The following EPB41L3 variants were observed in gnomAD, a reference collection of about 807,000 sequenced individuals.
EPB41L3 encodes band 4.1-like protein 3.
A neutral mutation model predicts 127.1 loss-of-function variants in EPB41L3; 57 were observed. That is an observed-to-expected ratio of 0.45 (90% CI 0.36 to 0.56). EPB41L3 has a LOEUF of 0.56. Ranked by LOEUF, EPB41L3 falls within the 20% of genes least tolerant of loss-of-function variation. The probability of loss-of-function intolerance (pLI) is 0.00; values close to 1 mark genes in which losing one functional copy is unlikely to be tolerated. For synonymous variants in EPB41L3, 572 were observed against 549.5 expected (o/e 1.04, Z -0.57); for missense variants, 1,273 against 1,372.2 (o/e 0.93, Z 1.14).
intron 3 of EPB41L3, among the ~76,000 whole-genome samples, chr18:5,454,986 C>A (rs1402658709): frequency 6.6e-6 from 1 of 152,208 alleles, no homozygotes; most frequent in Admixed American, 6.5e-5. Flanking sequence ...TACAACTAAT[C>A]AGCTCTGTAA....
intron 11 of EPB41L3, 42 bp downstream of exon 11, chr18:5,423,336 G>T: frequency 6.7e-7 from 1 of 1,490,942 alleles, no homozygotes; most frequent in Admixed American, 2.1e-5. Flanking sequence ...ATTCTTTTTG[G>T]GGTAGGTACT....
chr18:5,428,381 C>A lies in EPB41L3; in HGVS notation c.997G>T (p.Ala333Ser). Residue 333 changes from alanine to serine, a missense_variant, in exon 9 of 23, where the codon GCC becomes TCC. Around this residue, in one of 3 missense-constraint regions of EPB41L3, gnomAD observed 326 missense variants for 440.2 expected, o/e 0.74. Coordinates refer to ENST00000341928, the MANE Select transcript of EPB41L3 (RefSeq NM_012307.5). The part of the protein sequence containing the change: ...YRDRLRINRF[A>S]WPKVLKISYK... ...GAAATCTTTAGAACCTTGGGCCAGG[C>A]AAATCTGTTTATTCGCAGCCGGTCG... 6.2e-7 allele frequency: 1 copy of A among 1,614,166 alleles called. No individual in the cohort carries two copies. Among genetic ancestry groups the A allele is most frequent in the Non-Finnish European group, 8.5e-7 (1 of 1,180,040 alleles).
At position 5,501,338 on chromosome 18, in the gene EPB41L3, C is replaced by T. The variant is rs532637637; in HGVS notation, c.-11-12144G>A. 1.8e-3 allele frequency among the ~76,000 whole-genome samples: 277 copies of T among 152,178 alleles called. 3 individuals carry two copies. Among genetic ancestry groups the T allele is most frequent in the African/African-American group, 6.3e-3 (260 of 41,518 alleles). Reference sequence around the variant, plus strand: ...CAGCTTCATTTAACCTAAATGTGTCCTAAGTCACAAGTCTACAAATGATAT... The same window carrying T: ...CAGCTTCATTTAACCTAAATGTGTCTTAAGTCACAAGTCTACAAATGATAT... On this transcript the variant is annotated intron_variant, in intron 1 of 22. Transcript: ENST00000341928.
upstream of EPB41L3, among the ~76,000 whole-genome samples, chr18:5,546,640 G>A (rs1375868977): frequency 3.3e-5 from 5 of 152,204 alleles, no homozygotes; most frequent in Non-Finnish European, 5.9e-5. Context: ...GGAAATCTTG[G>A]AAGCAATTAC....
intron 13 of EPB41L3, among the ~76,000 whole-genome samples, chr18:5,413,243 C>T (rs117216505): frequency 3.9e-5 from 6 of 152,144 alleles, no homozygotes; most frequent in Non-Finnish European, 8.8e-5. Context: ...CTCAGAAATA[C>T]ACATGTAATT....
At chr18:5,425,087 G>C (rs2145345837) in intron 9 of EPB41L3, among the ~76,000 whole-genome samples, 1 of 152,232 alleles carries the variant, frequency 6.6e-6, no homozygotes, top group Admixed American at 6.5e-5. Context: ...TTCACATTCT[G>C]AAGAAGGTAC....
chr18:5,505,844 A>T (rs1258309458), intron 1 of EPB41L3, among the ~76,000 whole-genome samples: 2 of 95,984 alleles, frequency 2.1e-5, no homozygotes, highest in Admixed American at 2.2e-4. Flanking sequence ...CCTTCCCTCC[A>T]CACCTTCACC....
chr18:5,596,605 G>T (rs1035900537), intron 3 of EPB41L3, among the ~76,000 whole-genome samples: 10 of 152,124 alleles, frequency 6.6e-5, no homozygotes, highest in Admixed American at 5.9e-4. Context: ...ACCTGATATT[G>T]CTGAGGTTAT....
chr18:5,454,796 A>C (rs1004086297), intron 3 of EPB41L3, among the ~76,000 whole-genome samples: 1 of 152,238 alleles, frequency 6.6e-6, no homozygotes, highest in Non-Finnish European at 1.5e-5. Context: ...GGTCTTGGTA[A>C]ATTTATAAAC....
chr18:5,415,027 T>A (rs764364503), intron 13 of EPB41L3, among the ~76,000 whole-genome samples: 1 of 152,246 alleles, frequency 6.6e-6, no homozygotes, highest in Admixed American at 6.5e-5. Flanking sequence ...TTGAGACTCA[T>A]ACTGCAGTTG....
chr18:5,574,897 A>G (rs546378118), intron 3 of EPB41L3, among the ~76,000 whole-genome samples: 7 of 152,264 alleles, frequency 4.6e-5, no homozygotes, highest in African/African-American at 7.2e-5. Flanking sequence ...GCTGAGTCCT[A>G]TAAGAGCCCT....
chr18:5,396,628 A>T (rs1328710409), intron 18 of EPB41L3, among the ~76,000 whole-genome samples: 1 of 152,190 alleles, frequency 6.6e-6, no homozygotes. Context: ...TAACTCCCCA[A>T]ATACTTCAGG....
At position 5,397,810 on chromosome 18, in the gene EPB41L3, C is replaced by T. The variant is rs1021421978; in HGVS notation, c.2472+211G>A. On this transcript the variant is annotated intron_variant, in intron 17 of 22. Coordinates refer to ENST00000341928, the MANE Select transcript of EPB41L3 (RefSeq NM_012307.5). This position sits in a 1 kb window ranked among gnomAD's most constrained non-coding sequence, Gnocchi z 4.1. ...TTCTATTAAAATTTCTCAATATGAT[C>T]GCCTTTCGAATAGTGAAGTACATTC... Among the ~76,000 whole-genome samples the T allele has an allele frequency of 6.6e-6, 1 of 152,120 alleles. No individual in the cohort carries two copies. Among genetic ancestry groups the T allele is most frequent in the Non-Finnish European group, 1.5e-5 (1 of 68,034 alleles).
At chr18:5,542,820 C>G (rs1391097240) in intron 1 of EPB41L3, among the ~76,000 whole-genome samples, 1 of 152,178 alleles carries the variant, frequency 6.6e-6, no homozygotes, top group Non-Finnish European at 1.5e-5. Context: ...GTAACCACAC[C>G]CACCGCATTG....
intron 1 of EPB41L3, among the ~76,000 whole-genome samples, chr18:5,523,223 C>T (rs56095997): frequency 0.017 from 2,661 of 152,230 alleles, 80 homozygotes; most frequent in African/African-American, 0.062. Context: ...TCAAATGATG[C>T]TAGACATGGC....
chr18:5,425,231 T>C (rs1269934082), intron 9 of EPB41L3, among the ~76,000 whole-genome samples: 6 of 152,190 alleles, frequency 3.9e-5, no homozygotes, highest in Non-Finnish European at 8.8e-5. Flanking sequence ...GTCATATGCA[T>C]GGCATGTGAG....
intron 3 of EPB41L3, among the ~76,000 whole-genome samples, chr18:5,600,058 T>A (rs2094574635): frequency 6.6e-6 from 1 of 152,178 alleles, no homozygotes; most frequent in African/African-American, 2.4e-5. Context: ...CAATTCTGAA[T>A]CTTAAGGCTG....
intron 10 of EPB41L3, 140 bp from the exon 11 acceptor site, chr18:5,423,693 T>C (rs2077766995): frequency 1.3e-6 from 1 of 774,840 alleles, no homozygotes; most frequent in Admixed American, 3.0e-5. Flanking sequence ...AAATCTGATT[T>C]CATAAAAGAA....
chr18:5,591,768 CA>C (rs1046180204), intron 3 of EPB41L3, among the ~76,000 whole-genome samples: 3 of 152,100 alleles, frequency 2.0e-5, no homozygotes, highest in African/African-American at 7.2e-5. Flanking sequence ...CAAGAAATGT[CA>C]AGAGTAAAAG....
Sources: gnomAD v4.1 joint callset for allele counts (sites outside exome capture counted in the v4.1 genomes callset) on GRCh38, gnomAD v4.1.1 for gene constraint, gnomAD v4.1.1 regional missense constraint, Gnocchi (gnomAD v3.1) non-coding constraint, MANE v1.5 for transcripts, NCBI Gene and HGNC (gene_info 2026-07-23, HGNC 2026-07-21) for gene names.